Variants in ZFR2 observed in about 807,000 individuals in gnomAD.
ZFR2 encodes zinc finger RNA binding protein 2, also known as zinc finger RNA-binding protein 2.
Under a neutral mutation model 105.7 loss-of-function variants are expected in ZFR2, and 104 were observed. The ratio of observed to expected loss-of-function variants is 0.98; its 90% CI spans 0.84 to 1.16. ZFR2 has a LOEUF of 1.16. Ranked by LOEUF, ZFR2 falls within the 50% of genes most tolerant of loss-of-function variation. The pLI is 0.00. For missense variants in ZFR2, 1,425 were observed against 1,355.5 expected, an observed-to-expected ratio of 1.05 and a Z score of -0.80; for synonymous variants, 634 against 597.7, an observed-to-expected ratio of 1.06 and a Z score of -0.89.
At chr19:3,821,286 G>A (rs1262836524) in intron 10 of ZFR2, 54 bp downstream of exon 10, 63 of 1,496,566 alleles carry the variant, frequency 4.2e-5, no homozygotes, top group Non-Finnish European at 5.1e-5. Flanking sequence ...TAGGTTCCAC[G>A]CTGGACCTGC....
intron 1 of ZFR2, chr19:3,852,614 A>G (rs1390430044): frequency 8.4e-6 from 6 of 718,238 alleles, no homozygotes; most frequent in Non-Finnish European, 1.6e-5. Flanking sequence ...CCACTTCTGG[A>G]CTGGAAGAGT....
chr19:3,827,449 C>G lies in ZFR2; in HGVS notation c.1035+22G>C. ...GGGCCTTCTCCCCAGGGTGGCAGAG[C>G]CTGGGCCGGGCGGGGCCGTACCTTC... On this transcript the variant is annotated intron_variant, in intron 6 of 18. Transcript: ENST00000262961. 2.0e-6 allele frequency: 3 copies of G among 1,513,766 alleles called. No individual in the cohort carries two copies. In the South Asian group the frequency reaches 3.7e-5, roughly 19 times the overall value. 93.8% of individuals were successfully genotyped at this position (1,513,766 alleles called of 1,614,324 possible).
At chr19:3,864,778 C>T (rs767653208) in intron 1 of ZFR2, among the ~76,000 whole-genome samples, 4 of 152,068 alleles carry the variant, frequency 2.6e-5, no homozygotes, top group Admixed American at 6.6e-5. Context: ...GACAGACTCC[C>T]GCTCTGTCAC....
At chr19:3,819,897 G>A (rs936093985) in intron 11 of ZFR2, among the ~76,000 whole-genome samples, 5 of 152,154 alleles carry the variant, frequency 3.3e-5, no homozygotes, top group Non-Finnish European at 5.9e-5. Context: ...GGGCTGCGGG[G>A]ACAGGTGCTT....
In ZFR2 at chr19:3,831,500, G is replaced by A; in HGVS notation, c.655C>T (p.Pro219Ser). ...SVYSAASPFY[P>S]PAQPPPPPGP... ...GGGGGAGGCGGGGGCTGCGCTGGAG[G>A]ATAGAAAGGGCTGGCAGCGGAGTAC... The change falls in exon 5 of 19, where the codon CCT becomes TCT. Residue 219 changes from proline to serine, a missense_variant. Coordinates refer to ENST00000262961, the MANE Select transcript of ZFR2 (RefSeq NM_015174.2). 6.4e-7 allele frequency: 1 copy of A among 1,553,560 alleles called. No homozygotes were observed.
intron 1 of ZFR2, among the ~76,000 whole-genome samples, chr19:3,863,170 G>T (rs1463015878): frequency 1.3e-5 from 2 of 152,222 alleles, no homozygotes; most frequent in Admixed American, 6.5e-5. Context: ...TCTGGGCTGG[G>T]TATGACCAGG....
In ZFR2 at chr19:3,820,248, C is replaced by T. The variant is rs371139874; in HGVS notation, c.1674G>A (p.Ala558=). The T allele has an allele frequency of 6.0e-5, 93 of 1,548,532 alleles. 2 individuals are homozygous for T. Among genetic ancestry groups the T allele is most frequent in the South Asian group, 1.5e-4 (13 of 83,974 alleles). The change falls in exon 11 of 19, where the codon GCG becomes GCA. Residue 558 remains alanine, a synonymous_variant. Coordinates refer to ENST00000262961, the MANE Select transcript of ZFR2 (RefSeq NM_015174.2). ...GCAGAGGCTGGGCCCAGTCGGGCGG[C>T]GCGTGGGGCGGCACGTCCTGGGGTG... ...EEPPQDVPPH[A]PPDWAQPLLM...
At chr19:3,855,862 G>A (rs2038292642) in intron 1 of ZFR2, among the ~76,000 whole-genome samples, 1 of 152,162 alleles carries the variant, frequency 6.6e-6, no homozygotes, top group African/African-American at 2.4e-5. Context: ...GATGGGGTCA[G>A]AGAATAAAGG....
rs2038106862 is a variant in ZFR2 at position 3,838,962 on chromosome 19, C to T, written c.54-3979G>A. Among the ~76,000 whole-genome samples, 1 of 152,078 alleles carries T rather than the reference C, an allele frequency of 6.6e-6. No homozygotes were observed. Among genetic ancestry groups the T allele is most frequent in the Non-Finnish European group, 1.5e-5 (1 of 68,008 alleles). ...GGTCAGGCACATGTGCTGAACGGCG[C>T]TTGTGTTGGGGAGGGCTCTGTCAGA... On this transcript the variant is annotated intron_variant, in intron 1 of 18. Transcript: ENST00000262961. This position sits in a 1 kb window ranked among gnomAD's most constrained non-coding sequence, Gnocchi z 4.9.
intron 17 of ZFR2, among the ~76,000 whole-genome samples, chr19:3,808,216 C>T (rs1473894527): frequency 7.1e-6 from 1 of 141,260 alleles, no homozygotes; most frequent in Non-Finnish European, 1.6e-5. Context: ...CGTGTGTGCC[C>T]GTGCGAGTGC....
At chr19:3,814,093 G>A in intron 13 of ZFR2, 135 bp from the exon 14 acceptor site, 3 of 1,336,348 alleles carry the variant, frequency 2.2e-6, no homozygotes, top group Admixed American at 2.3e-5. Context: ...GCCGGGCCCT[G>A]TGCCCTGTGT....
At chr19:3,833,620 G>T in intron 3 of ZFR2, 44 bp downstream of exon 3, 1 of 1,441,050 alleles carries the variant, frequency 6.9e-7, no homozygotes, top group Non-Finnish European at 9.4e-7. Context: ...TGTGCTGCGG[G>T]GAGCGTCTCC....
intron 1 of ZFR2, 40 bp from the exon 2 acceptor site, chr19:3,835,023 A>G (rs1344710770): frequency 6.3e-7 from 1 of 1,575,578 alleles, no homozygotes; most frequent in Non-Finnish European, 8.6e-7. Flanking sequence ...ACCAGGTTAG[A>G]GCGAGTTCTC....
chr19:3,860,571 G>C (rs1599257985), intron 1 of ZFR2, among the ~76,000 whole-genome samples: 1 of 152,172 alleles, frequency 6.6e-6, no homozygotes, highest in African/African-American at 2.4e-5. Flanking sequence ...CTGCCCTGCT[G>C]AGAAGGAACA....
intron 11 of ZFR2, 24 bp from the exon 12 acceptor site, chr19:3,819,259 C>A: frequency 6.7e-7 from 1 of 1,490,510 alleles, no homozygotes; most frequent in Non-Finnish European, 8.9e-7. Flanking sequence ...CCGCACGTGT[C>A]AAGGGTGGTC....
chr19:3,819,567 A>G (rs930987733), intron 11 of ZFR2, among the ~76,000 whole-genome samples: 2 of 152,170 alleles, frequency 1.3e-5, no homozygotes, highest in Non-Finnish European at 2.9e-5. Context: ...CGAGGTTCCC[A>G]TTGAGGCCGG....
intron 5 of ZFR2, among the ~76,000 whole-genome samples, chr19:3,829,411 A>C (rs2037986934): frequency 6.6e-6 from 1 of 152,122 alleles, no homozygotes; most frequent in Non-Finnish European, 1.5e-5. Flanking sequence ...GCTACCGCTA[A>C]ATCATTTCAG....
rs536198630 is a variant in ZFR2 at position 3,834,747 on chromosome 19, C to A, written c.264+26G>T. ...CAAGGCGACCCACGTTTCCCGGCAA[C>A]GCTGGTCAAAGAAAGGACTGGATAC... On this transcript the variant is annotated intron_variant, in intron 2 of 18. Transcript: ENST00000262961. This position sits in a 1 kb window ranked among gnomAD's most constrained non-coding sequence, Gnocchi z 5.3. The A allele has an allele frequency of 6.2e-7, 1 of 1,608,074 alleles. No homozygotes were observed. The highest frequency in any genetic ancestry group is 1.7e-5 in the Admixed American group (1 of 59,620).
chr19:3,831,368 C>G lies in ZFR2; in HGVS notation c.787G>C (p.Ala263Pro). The change falls in exon 5 of 19, where the codon GCG becomes CCG. Residue 263 changes from alanine to proline, a missense_variant. Coordinates refer to ENST00000262961, the MANE Select transcript of ZFR2 (RefSeq NM_015174.2). The part of the protein sequence containing the change: ...PLPSKLPRPK[A>P]GPRQLQLHYC... ...TGAAGCTGGAGCTGCCTGGGCCCCGCCTTGGGTCTCGGCAGCTTGCTGGGA... is the reference window on the plus strand; with the variant it reads ...TGAAGCTGGAGCTGCCTGGGCCCCGGCTTGGGTCTCGGCAGCTTGCTGGGA... 1.3e-6 allele frequency: 2 copies of G among 1,557,552 alleles called. No individual in the cohort carries two copies. Among genetic ancestry groups the G allele is most frequent in the Non-Finnish European group, 1.7e-6 (2 of 1,152,722 alleles).
Sources: gnomAD v4.1 joint callset for allele counts (sites outside exome capture counted in the v4.1 genomes callset) on GRCh38, gnomAD v4.1.1 for gene constraint, Gnocchi (gnomAD v3.1) non-coding constraint, MANE v1.5 for transcripts, NCBI Gene and HGNC (gene_info 2026-07-23, HGNC 2026-07-21) for gene names.